Variants in NALF1 observed in about 807,000 individuals in gnomAD.
NALF1 encodes NALCN channel auxiliary factor 1.
In NALF1, 3 loss-of-function variants were observed where a neutral mutation model predicts 48.4. That is an observed-to-expected ratio of 0.06 (90% confidence interval 0.03 to 0.16). The LOEUF is 0.16. Ranked by LOEUF, NALF1 falls within the 10% of genes least tolerant of loss-of-function variation. The pLI, the probability that NALF1 is intolerant of heterozygous loss-of-function variation, is 1.00. For missense variants in NALF1, 526 were observed against 571.5 expected (o/e 0.92, Z 0.81); for synonymous variants, 262 against 245.7 (o/e 1.07, Z -0.62).
intron 1 of NALF1, among the ~76,000 whole-genome samples, chr13:107,784,597 T>G (rs904259795): frequency 6.6e-6 from 1 of 152,066 alleles, no homozygotes; most frequent in Non-Finnish European, 1.5e-5. Context: ...AGGACATGAA[T>G]AGACGATTCT....
intron 1 of NALF1, among the ~76,000 whole-genome samples, chr13:107,416,413 G>T (rs1327297378): frequency 6.6e-6 from 1 of 151,820 alleles, no homozygotes; most frequent in Non-Finnish European, 1.5e-5. Context: ...CCACCTCTGA[G>T]GCAGCAAAAC....
Position 107,759,573 on chromosome 13 carries a change from C to G in NALF1, c.915+106109G>C, listed in dbSNP as rs145206581. The stretch of plus-strand genomic sequence containing the variant: ...GGTCCAGACCCACATTCCACCTAGT[C>G]CAAGAGACAGACTGGTTTTGTTAGT... On this transcript the variant is annotated intron_variant, in intron 1 of 2. Transcript: ENST00000375915. Among the ~76,000 whole-genome samples, 1,048 of 152,054 alleles carry G rather than the reference C, an allele frequency of 6.9e-3. 13 individuals are homozygous for G. Among genetic ancestry groups the G allele is most frequent in the Admixed American group, 0.028 (423 of 15,272 alleles).
chr13:107,531,150 C>T (rs113821558), intron 1 of NALF1: 113 of 167,442 alleles, frequency 6.7e-4, no homozygotes, highest in Middle Eastern at 2.1e-3. Context: ...TTCTTGACCA[C>T]TGATGGAGTC....
At chr13:107,818,871 CAAAAA>C (rs774372636) in intron 1 of NALF1, among the ~76,000 whole-genome samples, 12,418 of 73,152 alleles carry the variant, frequency 0.17, 713 homozygotes, top group South Asian at 0.38. Context: ...GACTCCGTCT[CAAAAA>C]AAAAAAAAAA....
chr13:107,231,058 C>CAAAA (rs3072074), intron 1 of NALF1, among the ~76,000 whole-genome samples: 13 of 83,568 alleles, frequency 1.6e-4, no homozygotes, highest in East Asian at 3.9e-4. Flanking sequence ...AAGACCCGGC[C>CAAAA]AAAAAAAAAA....
chr13:107,552,902 T>G (rs1211598762), intron 1 of NALF1, among the ~76,000 whole-genome samples: 1 of 152,060 alleles, frequency 6.6e-6, no homozygotes, highest in Non-Finnish European at 1.5e-5. Flanking sequence ...GTGCACAATA[T>G]TAAATAGAGC....
intron 1 of NALF1, among the ~76,000 whole-genome samples, chr13:107,478,462 GA>G (rs1335984810): frequency 1.3e-5 from 2 of 151,854 alleles, no homozygotes; most frequent in Non-Finnish European, 1.5e-5. Flanking sequence ...TATCAAACAA[GA>G]AAAAAAGTCA....
chr13:107,697,053 T>TA (rs749644048), intron 1 of NALF1, among the ~76,000 whole-genome samples: 54 of 151,954 alleles, frequency 3.6e-4, no homozygotes, highest in Middle Eastern at 3.4e-3. Context: ...TTACAAGGCA[T>TA]AAAAAAAACA....
At chr13:107,688,182 A>G (rs941919526) in intron 1 of NALF1, among the ~76,000 whole-genome samples, 1 of 152,166 alleles carries the variant, frequency 6.6e-6, no homozygotes, top group African/African-American at 2.4e-5. Context: ...AGGCACTGTT[A>G]TTATGTGCAC....
intron 1 of NALF1, among the ~76,000 whole-genome samples, chr13:107,388,652 G>T (rs1027652502): frequency 3.3e-5 from 5 of 152,136 alleles, no homozygotes; most frequent in Non-Finnish European, 7.4e-5. Context: ...TCCAATGAAT[G>T]TTCTTTAAGC....
chr13:107,854,960 T>A (rs1490890673), intron 1 of NALF1, among the ~76,000 whole-genome samples: 4 of 152,174 alleles, frequency 2.6e-5, no homozygotes, highest in Non-Finnish European at 5.9e-5. Context: ...AGGCCAACTT[T>A]TGGTAAGAAA....
intron 1 of NALF1, among the ~76,000 whole-genome samples, chr13:107,452,951 C>T (rs1271397117): frequency 5.3e-5 from 8 of 152,286 alleles, no homozygotes; most frequent in Middle Eastern, 3.4e-3. Context: ...CTTAAAGCTC[C>T]GAAATAATCT....
At chr13:107,704,982 G>C (rs1022697363) in intron 1 of NALF1, among the ~76,000 whole-genome samples, 2 of 152,126 alleles carry the variant, frequency 1.3e-5, no homozygotes, top group Non-Finnish European at 2.9e-5. Flanking sequence ...ATAACTTATG[G>C]AAATATGTTC....
chr13:107,441,263 G>A (rs190736588), intron 1 of NALF1, among the ~76,000 whole-genome samples: 1 of 152,314 alleles, frequency 6.6e-6, no homozygotes, highest in African/African-American at 2.4e-5. Flanking sequence ...GAGCAAGTCA[G>A]ACCAGACATG....
intron 1 of NALF1, among the ~76,000 whole-genome samples, chr13:107,553,809 C>A (rs1302691903): frequency 6.6e-6 from 1 of 152,164 alleles, no homozygotes; most frequent in Non-Finnish European, 1.5e-5. Flanking sequence ...ATCTCAGAGC[C>A]CAGAGGAGCA....
intron 1 of NALF1, among the ~76,000 whole-genome samples, chr13:107,614,508 T>A (rs1879324848): frequency 6.6e-6 from 1 of 152,180 alleles, no homozygotes; most frequent in Non-Finnish European, 1.5e-5. Flanking sequence ...AATAATGGAA[T>A]ACAATAAGGC....
At chr13:107,706,661 A>G (rs992911761) in intron 1 of NALF1, among the ~76,000 whole-genome samples, 2 of 152,224 alleles carry the variant, frequency 1.3e-5, no homozygotes, top group Non-Finnish European at 2.9e-5. Flanking sequence ...GATTTTTTAA[A>G]TAGAATGTAA....
intron 1 of NALF1, among the ~76,000 whole-genome samples, chr13:107,524,460 T>C (rs1876361140): frequency 6.6e-6 from 1 of 152,080 alleles, no homozygotes; most frequent in African/African-American, 2.4e-5. Flanking sequence ...TAATACAATG[T>C]CAACATTTAA....
intron 1 of NALF1, among the ~76,000 whole-genome samples, chr13:107,329,517 A>G (rs1454779473): frequency 6.6e-6 from 1 of 151,456 alleles, no homozygotes; most frequent in South Asian, 2.1e-4. Flanking sequence ...TATTATTATT[A>G]TACTTTAAGT....
Sources: gnomAD v4.1 joint callset for allele counts (sites outside exome capture counted in the v4.1 genomes callset) on GRCh38, gnomAD v4.1.1 for gene constraint, MANE v1.5 for transcripts, NCBI Gene and HGNC (gene_info 2026-07-23, HGNC 2026-07-21) for gene names.